The following CAV1 variants were observed in gnomAD, a reference collection of about 807,000 sequenced individuals.
CAV1 encodes the protein caveolin 1, also known as caveolin-1.
In CAV1, 10 loss-of-function variants were observed where a neutral mutation model predicts 16.5. The ratio of observed to expected loss-of-function variants is 0.61; its 90% CI spans 0.37 to 1.03. The LOEUF is 1.03. Ranked by LOEUF, CAV1 falls within the 50% of genes least tolerant of loss-of-function variation. The pLI is 0.01. For synonymous variants in CAV1, 76 were observed against 85.1 expected, an observed-to-expected ratio of 0.89 and a Z score of 0.59; for missense variants, 212 against 232.8, an observed-to-expected ratio of 0.91 and a Z score of 0.58.
intron 2 of CAV1, among the ~76,000 whole-genome samples, chr7:116,546,697 C>CAAAAAAAA (rs5886830): frequency 4.5e-5 from 4 of 88,396 alleles, no homozygotes; most frequent in Non-Finnish European, 7.0e-5. Flanking sequence ...GACTCTGTCA[C>CAAAAAAAA]AAAAAAAAAA....
chr7:116,561,150 C>A lies in CAV1; in HGVS notation c.*1863C>A, dbSNP rs574733654. The A allele has an allele frequency of 6.6e-5, 10 of 152,564 alleles. No individual in the cohort carries two copies. The highest frequency in any genetic ancestry group is 3.9e-4 in the East Asian group (2 of 5,182). 9.5% of individuals were successfully genotyped at this position (152,564 alleles called of 1,614,324 possible). On this transcript the variant is annotated 3_prime_UTR_variant, in exon 3 of 3. Transcript: ENST00000341049. ...ATGCATGTCCTGTAAAGGTTACAAG[C>A]CTGCACAATAAAAATGTTTAACGGT...
chr7:116,552,196 C>T (rs377010766), intron 2 of CAV1, among the ~76,000 whole-genome samples: 32 of 152,236 alleles, frequency 2.1e-4, no homozygotes, highest in Admixed American at 8.5e-4. Flanking sequence ...TGCTGTCTAT[C>T]GCATCTAAGT....
chr7:116,560,403 G>A lies in CAV1; in HGVS notation c.*1116G>A, dbSNP rs1242928121. On this transcript the variant is annotated 3_prime_UTR_variant, in exon 3 of 3. Coordinates refer to ENST00000341049, the MANE Select transcript of CAV1 (RefSeq NM_001753.5). ...CTCCAAGGAGGGGCTGTAAAATGGA[G>A]GCCATTGTGTGAGCCTATCAGAGTT... The A allele has an allele frequency of 6.6e-6, 1 of 152,160 alleles. No individual in the cohort carries two copies. The highest frequency in any genetic ancestry group is 1.5e-5 in the Non-Finnish European group (1 of 68,050). 9.4% of individuals were successfully genotyped at this position (152,160 alleles called of 1,614,324 possible).
intron 1 of CAV1, chr7:116,525,571 C>T (rs1793540073): frequency 1.1e-5 from 13 of 1,205,154 alleles, no homozygotes; most frequent in Non-Finnish European, 1.2e-5. Context: ...TGTGTTTGCA[C>T]TTTCCAAAGT....
intron 1 of CAV1, chr7:116,526,153 G>T: frequency 2.5e-6 from 1 of 397,962 alleles, no homozygotes; most frequent in South Asian, 9.9e-5. Context: ...GCCTGCGGCT[G>T]CCCCCTCGCC....
intron 2 of CAV1, among the ~76,000 whole-genome samples, chr7:116,549,308 A>T (rs1794112677): frequency 6.6e-6 from 1 of 152,222 alleles, no homozygotes; most frequent in South Asian, 2.1e-4. Flanking sequence ...ACACAACTGC[A>T]GTGATTCAGG....
chr7:116,536,126 A>G (rs1793808623), intron 2 of CAV1, among the ~76,000 whole-genome samples: 3 of 152,078 alleles, frequency 2.0e-5, no homozygotes, highest in South Asian at 2.1e-4. Flanking sequence ...TGCAATGACT[A>G]AAAAAAGAAG....
intron 1 of CAV1, chr7:116,525,666 G>C (rs1221377399): frequency 3.7e-6 from 4 of 1,089,048 alleles, no homozygotes; most frequent in Middle Eastern, 4.4e-4. Flanking sequence ...TCCCCAAACT[G>C]CCACCATCAC....
intron 2 of CAV1, among the ~76,000 whole-genome samples, chr7:116,540,731 A>G (rs1793918053): frequency 6.6e-6 from 1 of 152,222 alleles, no homozygotes; most frequent in African/African-American, 2.4e-5. Context: ...TAAAAATAAG[A>G]TAAAGTTTAA....
At chr7:116,542,804 C>G (rs749039111) in intron 2 of CAV1, 2 of 152,184 alleles carry the variant, frequency 1.3e-5, no homozygotes, top group African/African-American at 4.8e-5. Context: ...TATCATCCCC[C>G]TCCCCCTTTT....
In CAV1 at chr7:116,534,400, T is replaced by G. The variant is rs1483832515; in HGVS notation, c.195+7711T>G. ...ATATATATATATATATATATATTTT[T>G]TTTTTTTTTTTTTTTTTGAGACGAT... On this transcript the variant is annotated intron_variant, in intron 2 of 2. Coordinates refer to ENST00000341049, the MANE Select transcript of CAV1 (RefSeq NM_001753.5). Among the ~76,000 whole-genome samples the G allele has an allele frequency of 1.4e-3, 43 of 30,346 alleles. 2 individuals are homozygous for G. Among genetic ancestry groups the G allele is most frequent in the Non-Finnish European group, 3.5e-3 (38 of 10,892 alleles). 19.9% of individuals were successfully genotyped at this position (30,346 alleles called of 152,430 possible).
At chr7:116,528,554 G>A (rs1793619791) in intron 2 of CAV1, among the ~76,000 whole-genome samples, 4 of 152,144 alleles carry the variant, frequency 2.6e-5, no homozygotes, top group Non-Finnish European at 5.9e-5. Flanking sequence ...GTCTCACTCA[G>A]ATGCCTGGCC....
chr7:116,538,148 C>T (rs1007549671), intron 2 of CAV1, among the ~76,000 whole-genome samples: 2 of 152,186 alleles, frequency 1.3e-5, no homozygotes, highest in Non-Finnish European at 2.9e-5. Flanking sequence ...TTTCTACAGA[C>T]ATTTGTGGGA....
Position 116,560,130 on chromosome 7 carries a change from C to T in CAV1, c.*843C>T, listed in dbSNP as rs1011845915. ...GGCTTCATCTGGCAACATCTTTATC[C>T]GTAGTGGGTATGGTTGACACTAGCC... is the stretch of plus-strand genomic sequence containing the variant. On this transcript the variant is annotated 3_prime_UTR_variant, in exon 3 of 3. Transcript: ENST00000341049. 2.3e-5 allele frequency: 7 copies of T among 306,438 alleles called. No homozygotes were observed. Among genetic ancestry groups the T allele is most frequent in the Non-Finnish European group, 3.6e-5 (6 of 167,762 alleles). The allele number at this position is 306,438 out of a possible 1,614,324, so 19.0% of individuals were successfully genotyped here.
intron 2 of CAV1, among the ~76,000 whole-genome samples, chr7:116,537,034 C>T (rs112496433): frequency 1.2e-3 from 157 of 135,488 alleles, no homozygotes; most frequent in Non-Finnish European, 1.8e-3. Context: ...AAAAAAAAAG[C>T]CATTAAAAAG....
chr7:116,559,106 T>G lies in CAV1; in HGVS notation c.356T>G (p.Phe119Cys). ...ATGGCACTCATCTGGGGCATTTACT[T>G]CGCCATTCTCTCTTTCCTGCACATC... ...IPMALIWGIY[F>C]AILSFLHIWA... The change falls in exon 3 of 3, where the codon TTC becomes TGC. Residue 119 changes from phenylalanine to cysteine, a missense_variant. Coordinates refer to ENST00000341049, the MANE Select transcript of CAV1 (RefSeq NM_001753.5). 2 of 1,613,954 alleles carry G rather than the reference T, an allele frequency of 1.2e-6. No homozygotes were observed. Among genetic ancestry groups the G allele is most frequent in the Non-Finnish European group, 1.7e-6 (2 of 1,179,930 alleles).
chr7:116,525,990 A>G, intron 1 of CAV1: 1 of 268,612 alleles, frequency 3.7e-6, no homozygotes, highest in Non-Finnish European at 5.8e-6. Context: ...GCAGCGATAA[A>G]GGGAACATTC....
intron 2 of CAV1, among the ~76,000 whole-genome samples, chr7:116,534,081 G>A (rs1055746337): frequency 4.0e-5 from 6 of 151,776 alleles, no homozygotes; most frequent in African/African-American, 1.5e-4. Flanking sequence ...AGCTGGGCAT[G>A]GTGGCATGCA....
intron 2 of CAV1, among the ~76,000 whole-genome samples, chr7:116,549,129 T>G (rs3779514): frequency 6.6e-6 from 1 of 152,048 alleles, no homozygotes; most frequent in African/African-American, 2.4e-5. Flanking sequence ...TACACACACA[T>G]GGGAAAACAT....
Sources: allele counts gnomAD v4.1 joint callset (sites outside exome capture counted in the v4.1 genomes callset), GRCh38; gene constraint gnomAD v4.1.1; transcripts MANE v1.5; gene names NCBI Gene and HGNC (gene_info 2026-07-23, HGNC 2026-07-21).